The following CSMD1 variants were observed in gnomAD, a reference collection of about 807,000 sequenced individuals.
The protein encoded by CSMD1 is CUB and sushi domain-containing protein 1.
CSMD1 carries 213 observed loss-of-function variants against 417.5 expected under a neutral mutation model. The observed-to-expected ratio is 0.51, with a 90% CI of 0.46 to 0.57. The LOEUF is 0.57. CSMD1 is among the 20% of genes least tolerant of loss of function. CSMD1 has a pLI of 0.00. For synonymous variants in CSMD1, 2,862 were observed against 1,736.8 expected, an observed-to-expected ratio of 1.65 and a Z score of -16.11; for missense variants, 6,923 against 4,529.7, an observed-to-expected ratio of 1.53 and a Z score of -15.17.
intron 45 of CSMD1, 47 bp from the exon 46 acceptor site, chr8:3,106,688 G>A (rs548703482): frequency 8.5e-7 from 1 of 1,182,246 alleles, no homozygotes; most frequent in South Asian, 1.3e-5. Context: ...GTGACCTTCT[G>A]AGTGTGTGAA....
intron 10 of CSMD1, among the ~76,000 whole-genome samples, chr8:3,507,838 CT>C (rs1796894836): frequency 6.6e-6 from 1 of 152,078 alleles, no homozygotes; most frequent in Non-Finnish European, 1.5e-5. Context: ...CCTTTGCCCA[CT>C]TTTTGATGGG....
At chr8:3,944,513 C>T (rs1277327118) in intron 5 of CSMD1, among the ~76,000 whole-genome samples, 4 of 151,932 alleles carry the variant, frequency 2.6e-5, no homozygotes, top group Non-Finnish European at 4.4e-5. Flanking sequence ...TTAGATTAGG[C>T]AGAGTTTGAG....
At chr8:4,866,932 A>G (rs1802452795) in intron 1 of CSMD1, among the ~76,000 whole-genome samples, 1 of 151,962 alleles carries the variant, frequency 6.6e-6, no homozygotes, top group South Asian at 2.1e-4. Context: ...AAAAACCACA[A>G]TTACTTTTGC....
At chr8:3,980,462 T>G (rs58200775) in intron 5 of CSMD1, among the ~76,000 whole-genome samples, 36,210 of 151,956 alleles carry the variant, frequency 0.24, 4,394 homozygotes, top group East Asian at 0.4. Context: ...TTGTGAAGAT[T>G]TTTTTTTGCC....
intron 2 of CSMD1, among the ~76,000 whole-genome samples, chr8:4,474,117 A>G (rs1336009314): frequency 6.6e-6 from 1 of 152,186 alleles, no homozygotes; most frequent in Admixed American, 6.5e-5. Context: ...AAGAAACTAG[A>G]GAGATTGAAA....
At chr8:3,742,133 T>C (rs1165429836) in intron 6 of CSMD1, among the ~76,000 whole-genome samples, 1 of 152,156 alleles carries the variant, frequency 6.6e-6, no homozygotes, top group Non-Finnish European at 1.5e-5. Flanking sequence ...TATTTGTCTA[T>C]CCACCTAGTC....
Position 4,325,143 on chromosome 8 carries a change from A to G in CSMD1, c.415+94810T>C, listed in dbSNP as rs1222537105. ...ACATTGTATGCAATCATGAATGCTGACAAGACACAGGGGAAAGAGGAGAAA... is the reference window on the plus strand; with the variant it reads ...ACATTGTATGCAATCATGAATGCTGGCAAGACACAGGGGAAAGAGGAGAAA... On this transcript the variant is annotated intron_variant, in intron 3 of 69. Transcript: ENST00000635120. Among the ~76,000 whole-genome samples, 7 of 152,340 alleles carry G rather than the reference A, an allele frequency of 4.6e-5. No individual in the cohort carries two copies. The South Asian group carries it at 1.0e-3, about 23-fold the overall frequency.
intron 1 of CSMD1, among the ~76,000 whole-genome samples, chr8:4,870,479 G>C (rs1802674618): frequency 6.6e-6 from 1 of 152,094 alleles, no homozygotes. Flanking sequence ...TCTTTCTTTT[G>C]ATAGACATGT....
chr8:3,107,031 C>G (rs1816192930), intron 45 of CSMD1: 1 of 158,808 alleles, frequency 6.3e-6, no homozygotes, highest in Admixed American at 6.4e-5. Context: ...TGGTACTTAG[C>G]ACAATGTTCC....
chr8:4,189,532 C>G (rs4875304), intron 3 of CSMD1, among the ~76,000 whole-genome samples: 1 of 151,622 alleles, frequency 6.6e-6, no homozygotes, highest in African/African-American at 2.4e-5. Context: ...GATCAATCAA[C>G]TTTATGGTTA....
chr8:4,415,028 T>C (rs939739348), intron 3 of CSMD1, among the ~76,000 whole-genome samples: 28 of 152,312 alleles, frequency 1.8e-4, no homozygotes, highest in Admixed American at 1.3e-3. Flanking sequence ...CAAGCAAAAA[T>C]GCTATCCTTC....
intron 5 of CSMD1, among the ~76,000 whole-genome samples, chr8:3,937,730 C>T (rs1459504891): frequency 6.6e-6 from 1 of 152,090 alleles, no homozygotes; most frequent in Admixed American, 6.6e-5. Context: ...CACATTAGTA[C>T]ACCAGGTACG....
rs113090526 is a variant in CSMD1, at chr8:3,219,232, T to C, written c.4672+23A>G. 1,323 of 1,563,264 alleles carry C rather than the reference T, an allele frequency of 8.5e-4. 15 individuals are homozygous for C. The African/African-American group carries it at 0.015, about 18-fold the overall frequency. On this transcript the variant is annotated intron_variant, in intron 29 of 69. Transcript: ENST00000635120. ...AGTCCTGATACAAATTAATTCCCAC[T>C]CAAATTCAGGCAATCGCAATACCTT... is the stretch of plus-strand genomic sequence containing the variant.
At chr8:3,259,809 T>C (rs938876604) in intron 26 of CSMD1, among the ~76,000 whole-genome samples, 2 of 152,196 alleles carry the variant, frequency 1.3e-5, no homozygotes, top group Non-Finnish European at 2.9e-5. Flanking sequence ...GCTAGTATTG[T>C]AGCTTGAAAG....
chr8:3,554,079 T>C (rs1401375517), intron 10 of CSMD1, among the ~76,000 whole-genome samples: 1 of 152,252 alleles, frequency 6.6e-6, no homozygotes, highest in Non-Finnish European at 1.5e-5. Context: ...GCTCGTAGCT[T>C]ATATTATGCG....
chr8:4,844,101 T>G (rs149325828), intron 1 of CSMD1, among the ~76,000 whole-genome samples: 11 of 152,288 alleles, frequency 7.2e-5, no homozygotes, highest in African/African-American at 2.6e-4. Flanking sequence ...CATGAAGTGT[T>G]TGTCTAAGAG....
At chr8:3,736,437 G>A (rs1365731551) in intron 6 of CSMD1, among the ~76,000 whole-genome samples, 1 of 152,078 alleles carries the variant, frequency 6.6e-6, no homozygotes, top group Non-Finnish European at 1.5e-5. Context: ...TAGCAATGTG[G>A]TCTCACTACG....
intron 36 of CSMD1, among the ~76,000 whole-genome samples, chr8:3,184,665 T>G (rs1821633632): frequency 6.6e-6 from 1 of 152,214 alleles, no homozygotes; most frequent in South Asian, 2.1e-4. Context: ...TTTAATAAAA[T>G]TTTAGGTCAA....
intron 2 of CSMD1, among the ~76,000 whole-genome samples, chr8:4,550,282 G>A (rs1797812531): frequency 6.6e-6 from 1 of 150,880 alleles, no homozygotes; most frequent in Non-Finnish European, 1.5e-5. Flanking sequence ...GGCCAACTTT[G>A]ATCATGAGGA....
Sources: allele counts gnomAD v4.1 joint callset (sites outside exome capture counted in the v4.1 genomes callset), GRCh38; gene constraint gnomAD v4.1.1; transcripts MANE v1.5; gene names NCBI Gene and HGNC (gene_info 2026-07-23, HGNC 2026-07-21).